TUSC3: variants seen among roughly 807,000 people sequenced by gnomAD.
The protein encoded by TUSC3 is dolichyl-diphosphooligosaccharide--protein glycosyltransferase subunit TUSC3.
In TUSC3, 45 loss-of-function variants were observed where a neutral mutation model predicts 44.8. That is an observed-to-expected ratio of 1.00 (90% CI 0.79 to 1.29). TUSC3 has a LOEUF of 1.29. Ranked by LOEUF, TUSC3 falls within the 50% of genes most tolerant of loss-of-function variation. The probability of loss-of-function intolerance (pLI) is 0.00; values close to 1 mark genes in which losing one functional copy is unlikely to be tolerated. For missense variants in TUSC3, 519 were observed against 437.9 expected (o/e 1.19, Z -1.65); for synonymous variants, 212 against 152.9 (o/e 1.39, Z -2.85).
intron 1 of TUSC3, among the ~76,000 whole-genome samples, chr8:15,429,807 C>T (rs1297962438): frequency 1.3e-5 from 2 of 151,592 alleles, no homozygotes; most frequent in Non-Finnish European, 1.5e-5. Context: ...ATATCACCAC[C>T]GATCCCACAG....
chr8:15,689,178 G>T, intron 6 of TUSC3: 2 of 378,260 alleles, frequency 5.3e-6, no homozygotes, highest in Non-Finnish European at 1.1e-5. Flanking sequence ...TTGCTTCGGA[G>T]AATAAGCAGC....
intron 1 of TUSC3, among the ~76,000 whole-genome samples, chr8:15,579,246 G>T: frequency 3.6e-5 from 5 of 137,642 alleles, no homozygotes; most frequent in Admixed American, 1.5e-4. Context: ...TATCAATTTT[G>T]TTGATCCTTT....
At chr8:15,760,672 G>T (rs1812135501) in intron 10 of TUSC3, among the ~76,000 whole-genome samples, 1 of 152,174 alleles carries the variant, frequency 6.6e-6, no homozygotes, top group Admixed American at 6.6e-5. Context: ...AACGCAGCCA[G>T]GTTTGTTTTA....
intron 6 of TUSC3, among the ~76,000 whole-genome samples, chr8:15,691,883 A>G (rs963826599): frequency 1.6e-4 from 25 of 152,068 alleles, no homozygotes; most frequent in African/African-American, 5.1e-4. Context: ...GGTTCAAACA[A>G]TTCTCTTGCC....
At chr8:15,452,230 T>C (rs1800204096) in intron 1 of TUSC3, among the ~76,000 whole-genome samples, 2 of 152,204 alleles carry the variant, frequency 1.3e-5, no homozygotes, top group South Asian at 2.1e-4. Flanking sequence ...TATTCTTAAG[T>C]TATGAAAAAT....
intron 1 of TUSC3, among the ~76,000 whole-genome samples, chr8:15,603,625 GA>G (rs901368911): frequency 8.6e-5 from 13 of 151,464 alleles, no homozygotes; most frequent in East Asian, 1.9e-4. Context: ...TTTTTATGAA[GA>G]AATTTTATAA....
chr8:15,742,709 A>G (rs1184622385), intron 7 of TUSC3, among the ~76,000 whole-genome samples: 1 of 152,216 alleles, frequency 6.6e-6, no homozygotes, highest in African/African-American at 2.4e-5. Context: ...CTGGGCTAGA[A>G]TTGCTTCATT....
At chr8:15,807,007 G>T in the TUSC3 span, 1 of 1,451,212 alleles carries the variant, frequency 6.9e-7, no homozygotes, top group South Asian at 1.1e-5. Flanking sequence ...ATTTTCCAAA[G>T]AAGGTGCTCC....
chr8:15,610,399 T>G (rs968504195), intron 1 of TUSC3, among the ~76,000 whole-genome samples: 1 of 152,184 alleles, frequency 6.6e-6, no homozygotes, highest in Admixed American at 6.5e-5. Flanking sequence ...ACATTTCTGG[T>G]ATTTTCAATG....
the TUSC3 span, among the ~76,000 whole-genome samples, chr8:15,781,997 G>A: frequency 1.3e-5 from 2 of 152,174 alleles, no homozygotes; most frequent in African/African-American, 4.8e-5. Flanking sequence ...AGCTGGATGT[G>A]GTGGCAGGTG....
At chr8:15,826,765 A>G in the TUSC3 span, among the ~76,000 whole-genome samples, 1 of 152,176 alleles carries the variant, frequency 6.6e-6, no homozygotes, top group African/African-American at 2.4e-5. Context: ...TGAGGGAAAA[A>G]AAAGAGAACT....
At chr8:15,723,427 A>T (rs1810382613) in intron 6 of TUSC3, among the ~76,000 whole-genome samples, 1 of 152,198 alleles carries the variant, frequency 6.6e-6, no homozygotes, top group African/African-American at 2.4e-5. Context: ...CAAATATTTA[A>T]TGAAGTGCTT....
At chr8:15,464,431 A>C (rs1800388917) in intron 1 of TUSC3, among the ~76,000 whole-genome samples, 1 of 152,194 alleles carries the variant, frequency 6.6e-6, no homozygotes, top group Non-Finnish European at 1.5e-5. Context: ...TTATGTGCCA[A>C]GCAATGTTGT....
At chr8:15,685,703 C>A (rs1020583364) in intron 6 of TUSC3, among the ~76,000 whole-genome samples, 9 of 152,110 alleles carry the variant, frequency 5.9e-5, no homozygotes, top group Non-Finnish European at 7.4e-5. Context: ...TAGTTTGTGG[C>A]AGTCAACAGA....
chr8:15,583,087 A>G (rs1218684125), intron 1 of TUSC3, among the ~76,000 whole-genome samples: 3 of 152,240 alleles, frequency 2.0e-5, no homozygotes, highest in Admixed American at 2.0e-4. Flanking sequence ...ATGAGAATGA[A>G]AGGAGAGGCT....
chr8:15,461,781 C>G (rs1800349190), intron 1 of TUSC3, among the ~76,000 whole-genome samples: 1 of 151,106 alleles, frequency 6.6e-6, no homozygotes, highest in Non-Finnish European at 1.5e-5. Context: ...TGAAGACATT[C>G]AATGTATATC....
chr8:15,582,525 T>G (rs1197386793), intron 1 of TUSC3, among the ~76,000 whole-genome samples: 1 of 152,240 alleles, frequency 6.6e-6, no homozygotes, highest in Non-Finnish European at 1.5e-5. Flanking sequence ...AAATGGCAGT[T>G]AAAAATTAAA....
chr8:15,616,390 C>T (rs1203779360), intron 1 of TUSC3, among the ~76,000 whole-genome samples: 1 of 151,914 alleles, frequency 6.6e-6, no homozygotes, highest in Non-Finnish European at 1.5e-5. Flanking sequence ...CCAGCCTGGC[C>T]AACATGGCAA....
At chr8:15,566,921 C>A (rs1018204077) in intron 1 of TUSC3, among the ~76,000 whole-genome samples, 5 of 152,166 alleles carry the variant, frequency 3.3e-5, no homozygotes, top group African/African-American at 1.2e-4. Flanking sequence ...GTTTGCCCGG[C>A]CAACACATAT....
Sources: allele counts gnomAD v4.1 joint callset (sites outside exome capture counted in the v4.1 genomes callset), GRCh38; gene constraint gnomAD v4.1.1; transcripts MANE v1.5; gene names NCBI Gene and HGNC (gene_info 2026-07-23, HGNC 2026-07-21).